The following CSMD1 variants were observed in gnomAD, a reference collection of about 807,000 sequenced individuals.
CSMD1 encodes CUB and sushi domain-containing protein 1.
A neutral mutation model predicts 417.5 loss-of-function variants in CSMD1; 213 were observed. The observed-to-expected ratio is 0.51, with a 90% confidence interval of 0.46 to 0.57. The LOEUF (loss-of-function observed/expected upper bound fraction) is 0.57. CSMD1 is among the 20% of genes least tolerant of loss of function. The pLI is 0.00. For missense variants in CSMD1, 6,923 were observed against 4,529.7 expected (o/e 1.53, Z -15.17); for synonymous variants, 2,862 against 1,736.8 (o/e 1.65, Z -16.11).
chr8:3,554,291 T>C (rs111284690), intron 10 of CSMD1, among the ~76,000 whole-genome samples: 5,272 of 152,298 alleles, frequency 0.035, 326 homozygotes, highest in African/African-American at 0.12. Context: ...ATATCTTAAA[T>C]GGGTCCAGAC....
At chr8:2,968,757 T>A (rs1233581375) in intron 57 of CSMD1, among the ~76,000 whole-genome samples, 3 of 152,070 alleles carry the variant, frequency 2.0e-5, no homozygotes, top group Middle Eastern at 3.4e-3. Flanking sequence ...AAAAGAACAA[T>A]AAATTAGAAG....
At chr8:3,218,826 C>G (rs1798035673) in intron 29 of CSMD1, among the ~76,000 whole-genome samples, 1 of 151,776 alleles carries the variant, frequency 6.6e-6, no homozygotes. Flanking sequence ...GAGCTGACAT[C>G]GTGCCATTGC....
At chr8:3,509,807 C>T (rs1287960613) in intron 10 of CSMD1, among the ~76,000 whole-genome samples, 1 of 152,156 alleles carries the variant, frequency 6.6e-6, no homozygotes, top group Non-Finnish European at 1.5e-5. Context: ...CGTCTGTCAG[C>T]CCACCAGCCA....
rs1215273768 is a variant in CSMD1 at position 4,056,482 on chromosome 8, C to G, written c.416-24383G>C. Among the ~76,000 whole-genome samples, 3 of 151,094 alleles carry G rather than the reference C, an allele frequency of 2.0e-5. No homozygotes were observed. In the East Asian group the frequency reaches 5.8e-4, roughly 29 times the overall value. On this transcript the variant is annotated intron_variant, in intron 3 of 69. Transcript: ENST00000635120. ...TAAAATACACAAATAGTTTCCGGGGCTGAGAGTCCTGAAAAATATTGGGCT... is the reference window on the plus strand; with the variant it reads ...TAAAATACACAAATAGTTTCCGGGGGTGAGAGTCCTGAAAAATATTGGGCT...
intron 26 of CSMD1, among the ~76,000 whole-genome samples, chr8:3,283,010 A>G (rs755698815): frequency 6.6e-6 from 1 of 152,178 alleles, no homozygotes; most frequent in Non-Finnish European, 1.5e-5. Context: ...GAACTGCCAC[A>G]AAATATCTCC....
chr8:4,100,208 T>G (rs1801235038), intron 3 of CSMD1, among the ~76,000 whole-genome samples: 1 of 152,164 alleles, frequency 6.6e-6, no homozygotes, highest in Non-Finnish European at 1.5e-5. Flanking sequence ...GAGGATTAAA[T>G]GAGATTATAT....
At chr8:3,213,565 C>A (rs1345208702) in intron 30 of CSMD1, among the ~76,000 whole-genome samples, 1 of 152,006 alleles carries the variant, frequency 6.6e-6, no homozygotes, top group East Asian at 1.9e-4. Flanking sequence ...AATTTCATTC[C>A]TAAGGAATTA....
At chr8:4,174,995 G>A (rs1265754284) in intron 3 of CSMD1, among the ~76,000 whole-genome samples, 1 of 151,212 alleles carries the variant, frequency 6.6e-6, no homozygotes, top group Non-Finnish European at 1.5e-5. Flanking sequence ...TGCTGAATTG[G>A]AATCTCTTAT....
chr8:4,175,361 C>T (rs189572402), intron 3 of CSMD1, among the ~76,000 whole-genome samples: 36 of 152,212 alleles, frequency 2.4e-4, no homozygotes, highest in African/African-American at 8.7e-4. Context: ...TACTTTTTAA[C>T]AGTGTTGGGC....
chr8:4,968,444 G>C (rs1037545725), intron 1 of CSMD1, among the ~76,000 whole-genome samples: 3 of 151,960 alleles, frequency 2.0e-5, no homozygotes, highest in African/African-American at 4.8e-5. Flanking sequence ...TATTGAAATA[G>C]AGCCATTTAA....
At chr8:3,004,548 A>G (rs1368633030) in intron 52 of CSMD1, among the ~76,000 whole-genome samples, 1 of 152,238 alleles carries the variant, frequency 6.6e-6, no homozygotes, top group East Asian at 1.9e-4. Context: ...ATGCAACTGT[A>G]AATTCATATG....
intron 50 of CSMD1, among the ~76,000 whole-genome samples, chr8:3,036,649 A>G (rs539211598): frequency 4.6e-5 from 7 of 152,324 alleles, no homozygotes; most frequent in South Asian, 4.1e-4. Flanking sequence ...AGAAGCCTAA[A>G]TAACAAGACA....
At chr8:4,124,800 G>C (rs575447050) in intron 3 of CSMD1, among the ~76,000 whole-genome samples, 1 of 152,270 alleles carries the variant, frequency 6.6e-6, no homozygotes, top group East Asian at 1.9e-4. Flanking sequence ...TCTAGTTGCA[G>C]CCTGATGTTT....
intron 6 of CSMD1, among the ~76,000 whole-genome samples, chr8:3,745,162 T>G (rs1395801727): frequency 2.6e-5 from 4 of 152,246 alleles, no homozygotes; most frequent in Admixed American, 1.3e-4. Flanking sequence ...AAAATATCTA[T>G]GAAAAACCAT....
chr8:4,513,078 G>A (rs1386755693), intron 2 of CSMD1, among the ~76,000 whole-genome samples: 3 of 152,162 alleles, frequency 2.0e-5, no homozygotes. Context: ...ATGGATACAT[G>A]TTATTGAACT....
intron 10 of CSMD1, among the ~76,000 whole-genome samples, chr8:3,503,086 A>G (rs1454730499): frequency 4.6e-5 from 7 of 152,192 alleles, no homozygotes; most frequent in Admixed American, 3.3e-4. Context: ...AATTACACAT[A>G]TAAGCTTTTA....
intron 2 of CSMD1, among the ~76,000 whole-genome samples, chr8:4,588,654 G>A (rs1012761780): frequency 2.0e-5 from 3 of 151,750 alleles, no homozygotes; most frequent in Non-Finnish European, 4.4e-5. Context: ...GCGTGGTGGC[G>A]GGCGCCTTTA....
Position 3,157,959 on chromosome 8 carries a change from G to A in CSMD1, c.5852C>T (p.Ser1951Phe). Reference protein sequence around the residue: ...CEPGYTLQGRSHISCMPGTVR... With the variant: ...CEPGYTLQGRFHISCMPGTVR... ...GGTCCCTGGCATACAGGAAATGTGG[G>A]AACGGCCCTGTTTAAAAGAAAACAA... is the stretch of plus-strand genomic sequence containing the variant. Residue 1951 changes from serine (S) to phenylalanine (F), a missense_variant, in exon 39 of 70, where the codon TCC becomes TTC. Transcript: ENST00000635120. 6.4e-7 allele frequency: 1 copy of A among 1,553,600 alleles called. No individual in the cohort carries two copies. The highest frequency in any genetic ancestry group is 1.4e-5 in the African/African-American group (1 of 73,180).
At chr8:4,612,917 T>A (rs1418669170) in intron 2 of CSMD1, among the ~76,000 whole-genome samples, 1 of 152,128 alleles carries the variant, frequency 6.6e-6, no homozygotes, top group Non-Finnish European at 1.5e-5. Flanking sequence ...AGGCAGAGAT[T>A]TTATGTACTA....
Sources: gnomAD v4.1 joint callset for allele counts (sites outside exome capture counted in the v4.1 genomes callset) on GRCh38, gnomAD v4.1.1 for gene constraint, MANE v1.5 for transcripts, NCBI Gene and HGNC (gene_info 2026-07-23, HGNC 2026-07-21) for gene names.